MYO3A: variants seen among roughly 807,000 people sequenced by gnomAD.
MYO3A encodes myosin-IIIa.
Under a neutral mutation model 192.7 loss-of-function variants are expected in MYO3A, and 180 were observed. The observed-to-expected ratio is 0.93, with a 90% confidence interval of 0.83 to 1.06. The LOEUF (loss-of-function observed/expected upper bound fraction) is 1.06. Ranked by LOEUF, MYO3A falls within the 50% of genes least tolerant of loss-of-function variation. The pLI is 0.00. For synonymous variants in MYO3A, 628 were observed against 645.3 expected (o/e 0.97, Z 0.41); for missense variants, 1,896 against 1,905.0 (o/e 1.00, Z 0.09).
At chr10:25,964,668 C>G (rs1377533296) in intron 4 of MYO3A, among the ~76,000 whole-genome samples, 1 of 152,120 alleles carries the variant, frequency 6.6e-6, no homozygotes, top group Middle Eastern at 3.2e-3. Flanking sequence ...CTGTGTTTCT[C>G]TGTGTACTAC....
At chr10:26,069,506 A>T (rs1464232649) in intron 12 of MYO3A, among the ~76,000 whole-genome samples, 2 of 152,078 alleles carry the variant, frequency 1.3e-5, no homozygotes, top group Non-Finnish European at 2.9e-5. Flanking sequence ...AAACTTATTT[A>T]ATACTGTTCC....
At chr10:26,135,882 C>T (rs1839817923) in intron 20 of MYO3A, among the ~76,000 whole-genome samples, 1 of 148,298 alleles carries the variant, frequency 6.7e-6, no homozygotes, top group East Asian at 2.0e-4. Context: ...AGAAGAATCG[C>T]TTGAACCCAG....
chr10:25,993,988 T>C (rs1325563595), intron 4 of MYO3A, among the ~76,000 whole-genome samples: 1 of 152,210 alleles, frequency 6.6e-6, no homozygotes, highest in African/African-American at 2.4e-5. Context: ...ACGTATATTC[T>C]GTTGATTTGG....
intron 4 of MYO3A, among the ~76,000 whole-genome samples, chr10:25,982,632 C>T (rs766117540): frequency 1.2e-4 from 19 of 152,216 alleles, no homozygotes; most frequent in Non-Finnish European, 2.4e-4. Flanking sequence ...TTTGCAGACG[C>T]TCCTCAGTAC....
chr10:26,136,353 A>T (rs1047174269), intron 20 of MYO3A, among the ~76,000 whole-genome samples: 1 of 152,234 alleles, frequency 6.6e-6, no homozygotes, highest in Non-Finnish European at 1.5e-5. Context: ...AGCAGTGTCA[A>T]ATGGTGAACT....
chr10:25,979,006 C>G (rs1420851262), intron 4 of MYO3A, among the ~76,000 whole-genome samples: 1 of 152,084 alleles, frequency 6.6e-6, no homozygotes, highest in Non-Finnish European at 1.5e-5. Context: ...ACATTGTTTG[C>G]TTAGATCTGT....
chr10:26,065,827 A>G (rs11593320), intron 10 of MYO3A, among the ~76,000 whole-genome samples: 1,735 of 84,814 alleles, frequency 0.02, 15 homozygotes, highest in Middle Eastern at 0.056. Flanking sequence ...GTATACAAAA[A>G]GAGCAGTGGG....
At chr10:26,165,050 GC>G (rs1185831996) in intron 26 of MYO3A, among the ~76,000 whole-genome samples, 1 of 152,156 alleles carries the variant, frequency 6.6e-6, no homozygotes, top group Non-Finnish European at 1.5e-5. Context: ...TCTCCACGGA[GC>G]CTAACAGAAG....
At chr10:26,112,855 T>G (rs938489812) in intron 17 of MYO3A, among the ~76,000 whole-genome samples, 1 of 152,184 alleles carries the variant, frequency 6.6e-6, no homozygotes, top group Non-Finnish European at 1.5e-5. Flanking sequence ...AATAAATGAT[T>G]GGTAGTTTGA....
chr10:26,138,001 G>A (rs1435087364), intron 20 of MYO3A, among the ~76,000 whole-genome samples: 4 of 152,154 alleles, frequency 2.6e-5, no homozygotes, highest in African/African-American at 9.7e-5. Flanking sequence ...TTTGCCTTGT[G>A]ATCTTTGTTG....
chr10:26,009,530 A>G (rs1459421435), intron 6 of MYO3A, among the ~76,000 whole-genome samples: 1 of 152,144 alleles, frequency 6.6e-6, no homozygotes, highest in Non-Finnish European at 1.5e-5. Flanking sequence ...CTCATTGGAG[A>G]AACAGTCTCT....
Position 26,007,251 on chromosome 10 carries a change from T to A in MYO3A, c.509-9569T>A, listed in dbSNP as rs955613493. ...GTGTCTCAAAATAATAAGAGCTATC[T>A]ATGACAAACCCACAGCCAATATCAT... On this transcript the variant is annotated intron_variant, in intron 6 of 34. Coordinates refer to ENST00000642920, the MANE Select transcript of MYO3A (RefSeq NM_017433.5). Among the ~76,000 whole-genome samples the A allele has an allele frequency of 6.6e-5, 10 of 150,672 alleles. 1 individual carries two copies. The highest frequency in any genetic ancestry group is 2.5e-4 in the African/African-American group (10 of 40,206).
intron 15 of MYO3A, among the ~76,000 whole-genome samples, chr10:26,095,038 G>A (rs1443963898): frequency 6.6e-6 from 1 of 152,138 alleles, no homozygotes; most frequent in Non-Finnish European, 1.5e-5. Flanking sequence ...AAGGAAAGGA[G>A]CAGGGCAAGA....
chr10:26,144,134 A>G (rs2096175), intron 21 of MYO3A, among the ~76,000 whole-genome samples: 106,880 of 151,816 alleles, frequency 0.7, 37,751 homozygotes, highest in Middle Eastern at 0.75. Context: ...TGAGAAAGCA[A>G]AGAAATGTAT....
At chr10:26,194,368 T>C (rs1327300334) in intron 32 of MYO3A, among the ~76,000 whole-genome samples, 6 of 152,186 alleles carry the variant, frequency 3.9e-5, no homozygotes, top group Non-Finnish European at 8.8e-5. Context: ...TCTTGCCCTC[T>C]TCTTGTCCTC....
intron 10 of MYO3A, among the ~76,000 whole-genome samples, chr10:26,030,242 C>T (rs1249577332): frequency 6.6e-6 from 1 of 152,144 alleles, no homozygotes; most frequent in Non-Finnish European, 1.5e-5. Context: ...AGTTTCTGCC[C>T]TCTTACCTGG....
chr10:26,080,555 TCAGATCCA>T, intron 14 of MYO3A, among the ~76,000 whole-genome samples: 1 of 131,802 alleles, frequency 7.6e-6, no homozygotes, highest in African/African-American at 2.8e-5. Flanking sequence ...TTTTTTCAGT[TCAGATCCA>T]TTGCTGGTGA....
intron 4 of MYO3A, among the ~76,000 whole-genome samples, chr10:25,963,684 G>A (rs1838082459): frequency 1.3e-5 from 2 of 152,224 alleles, no homozygotes; most frequent in South Asian, 4.1e-4. Context: ...ATGTTCTTAA[G>A]GCTGGAACCA....
intron 10 of MYO3A, among the ~76,000 whole-genome samples, chr10:26,032,636 A>G (rs1028952971): frequency 5.9e-5 from 9 of 152,168 alleles, no homozygotes; most frequent in African/African-American, 1.9e-4. Context: ...AAAACAAAAA[A>G]AAAACCAACA....
Sources: allele counts gnomAD v4.1 joint callset (sites outside exome capture counted in the v4.1 genomes callset), GRCh38; gene constraint gnomAD v4.1.1; transcripts MANE v1.5; gene names NCBI Gene and HGNC (gene_info 2026-07-23, HGNC 2026-07-21).